Variants in TRPM4 observed in about 807,000 individuals in gnomAD.
TRPM4 encodes the protein transient receptor potential cation channel subfamily M member 4.
TRPM4 carries 124 observed loss-of-function variants against 135.6 expected under a neutral mutation model. The observed-to-expected ratio is 0.91, with a 90% confidence interval of 0.79 to 1.06. TRPM4 has a LOEUF of 1.06. Among genes scored for constraint, TRPM4 ranks in the 50% least tolerant of loss-of-function variants. The pLI, the probability that TRPM4 is intolerant of heterozygous loss-of-function variation, is 0.00. For missense variants in TRPM4, 1,658 were observed against 1,671.4 expected, an observed-to-expected ratio of 0.99 and a Z score of 0.14; for synonymous variants, 745 against 705.6, an observed-to-expected ratio of 1.06 and a Z score of -0.88.
chr19:49,191,642 G>T (rs1289224981), intron 16 of TRPM4, among the ~76,000 whole-genome samples: 1 of 152,056 alleles, frequency 6.6e-6, no homozygotes, highest in Non-Finnish European at 1.5e-5. Flanking sequence ...TGGGACTACA[G>T]GAGCCCACCA....
intron 14 of TRPM4, 53 bp downstream of exon 14, chr19:49,189,144 A>G: frequency 6.2e-7 from 1 of 1,611,862 alleles, no homozygotes; most frequent in Non-Finnish European, 8.5e-7. Context: ...GACTCTGGGA[A>G]GTATGGGGAT....
chr19:49,197,706 A>G (rs969623391), intron 17 of TRPM4, among the ~76,000 whole-genome samples: 2 of 149,324 alleles, frequency 1.3e-5, no homozygotes, highest in African/African-American at 4.9e-5. Flanking sequence ...TTTTTGAGCC[A>G]GAGTTCCGCT....
intron 12 of TRPM4, among the ~76,000 whole-genome samples, chr19:49,187,402 T>C (rs997762183): frequency 3.3e-5 from 5 of 151,960 alleles, no homozygotes; most frequent in Non-Finnish European, 7.4e-5. Context: ...TGGAGTGCAG[T>C]GGCATGATCA....
At chr19:49,200,096 G>T (rs1238562544) in intron 17 of TRPM4, among the ~76,000 whole-genome samples, 2 of 152,136 alleles carry the variant, frequency 1.3e-5, no homozygotes, top group Admixed American at 6.5e-5. Context: ...CTTAATAGGC[G>T]CAGCCATTTT....
At chr19:49,189,323 C>T (rs1468054012) in intron 14 of TRPM4, among the ~76,000 whole-genome samples, 2 of 152,202 alleles carry the variant, frequency 1.3e-5, no homozygotes, top group Non-Finnish European at 2.9e-5. Context: ...CTAAAAAGTT[C>T]CACTCCAGAT....
In TRPM4 at chr19:49,175,067, C is replaced by CTTTTTTTTTTTTTTTTT. The variant is rs772062913; in HGVS notation, c.1150+2968_1150+2984dup. Among the ~76,000 whole-genome samples the CTTTTTTTTTTTTTTTTT allele has an allele frequency of 2.3e-4, 18 of 77,582 alleles. 1 individual carries two copies. The highest frequency in any genetic ancestry group is 1.2e-3 in the African/African-American group (16 of 13,530). 50.9% of individuals were successfully genotyped at this position (77,582 alleles called of 152,430 possible). ...CACAGGCATGTGCCATCATGCCTGG[C>CTTTTTTTTTTTTTTTTT]TTTTTTTTTTTTTTTTTTTTTTTTT... is the stretch of plus-strand genomic sequence containing the variant. On this transcript the variant is annotated intron_variant, in intron 9 of 24. Coordinates refer to ENST00000252826, the MANE Select transcript of TRPM4 (RefSeq NM_017636.4).
chr19:49,170,749 T>C (rs899921016), intron 6 of TRPM4, among the ~76,000 whole-genome samples: 3 of 152,172 alleles, frequency 2.0e-5, no homozygotes, highest in Admixed American at 6.6e-5. Flanking sequence ...TAAGCATTAC[T>C]GTCTTCAAAA....
At chr19:49,168,470 G>T (rs750021579) in intron 5 of TRPM4, 47 bp downstream of exon 5, 1 of 1,613,830 alleles carries the variant, frequency 6.2e-7, no homozygotes, top group South Asian at 1.1e-5. Flanking sequence ...CTGGACTCCT[G>T]GGTCTGAGGG....
chr19:49,173,840 A>T (rs35587859), intron 9 of TRPM4, among the ~76,000 whole-genome samples: 28,876 of 149,814 alleles, frequency 0.19, 3,305 homozygotes, highest in South Asian at 0.33. Flanking sequence ...CAAAAAAAAA[A>T]TTTTTTTTTT....
intron 2 of TRPM4, among the ~76,000 whole-genome samples, chr19:49,160,213 G>A (rs553125807): frequency 2.0e-5 from 3 of 152,330 alleles, no homozygotes; most frequent in African/African-American, 7.2e-5. Context: ...ATTTGGGGCC[G>A]GGCATTGTGG....
chr19:49,171,828 C>A lies in TRPM4; in HGVS notation c.1050+59C>A, dbSNP rs1967472651. The stretch of plus-strand genomic sequence containing the variant: ...GATGGGAGGGAACTGGGGACTTGGG[C>A]TCCTGGGTCTGAGGGAGGAGGGGCT... On this transcript the variant is annotated intron_variant, in intron 8 of 24. Transcript: ENST00000252826. The surrounding 1 kb of genome is among the most constrained non-coding windows in gnomAD (Gnocchi z 4.7). 1.3e-6 allele frequency: 2 copies of A among 1,563,108 alleles called. No individual in the cohort carries two copies. The highest frequency in any genetic ancestry group is 1.1e-5 in the South Asian group (1 of 88,762).
intron 16 of TRPM4, 83 bp downstream of exon 16, chr19:49,190,856 C>G (rs944281964): frequency 1.6e-5 from 20 of 1,242,394 alleles, no homozygotes; most frequent in Non-Finnish European, 2.2e-5. Context: ...TGTGTTAGTC[C>G]CCTCTTGAGT....
At position 49,181,952 on chromosome 19, in the gene TRPM4, C is replaced by T. The variant is rs113209047; in HGVS notation, c.1263+491C>T. 5.6e-5 allele frequency among the ~76,000 whole-genome samples: 7 copies of T among 125,462 alleles called. No individual in the cohort carries two copies. In the South Asian group the frequency reaches 1.9e-3, roughly 34 times the overall value. The allele number at this position is 125,462 out of a possible 152,430, so 82.3% of individuals were successfully genotyped here. On this transcript the variant is annotated intron_variant, in intron 10 of 24. Coordinates refer to ENST00000252826, the MANE Select transcript of TRPM4 (RefSeq NM_017636.4). ...CTTGTTTCCTCTCTCCCCACCCATCCATCTGTCTATCCATCCATCCACCCT... is the reference window on the plus strand; with the variant it reads ...CTTGTTTCCTCTCTCCCCACCCATCTATCTGTCTATCCATCCATCCACCCT...
In TRPM4 at chr19:49,210,038, C is replaced by T. The variant is rs529078072; in HGVS notation, c.3132-171C>T. ...TGCTGGGACTACAGGCGTGACCAAA[C>T]GCCCTTGGCTCTAACCTGACTTCTA... On this transcript the variant is annotated intron_variant, in intron 20 of 24. Coordinates refer to ENST00000252826, the MANE Select transcript of TRPM4 (RefSeq NM_017636.4). The surrounding 1 kb of genome is among the most constrained non-coding windows in gnomAD (Gnocchi z 4.1). 6.6e-6 allele frequency among the ~76,000 whole-genome samples: 1 copy of T among 152,204 alleles called. No individual in the cohort carries two copies. The highest frequency in any genetic ancestry group is 2.4e-5 in the African/African-American group (1 of 41,458).
In TRPM4 at chr19:49,191,118, G is replaced by A. The variant is rs111595963; in HGVS notation, c.2210+345G>A. ...AGCAAAAAGTCTCCAAAGGGATGGTGCTGAGCCATTTGTGAAGGACCCACC... is the reference window on the plus strand; with the variant it reads ...AGCAAAAAGTCTCCAAAGGGATGGTACTGAGCCATTTGTGAAGGACCCACC... On this transcript the variant is annotated intron_variant, in intron 16 of 24. Transcript: ENST00000252826. 1.0e-3 allele frequency among the ~76,000 whole-genome samples: 157 copies of A among 152,266 alleles called. 1 individual carries two copies. The highest frequency in any genetic ancestry group is 3.7e-3 in the African/African-American group (155 of 41,556).
chr19:49,189,518 G>C (rs759724308), intron 14 of TRPM4, among the ~76,000 whole-genome samples: 18 of 147,598 alleles, frequency 1.2e-4, no homozygotes, highest in Admixed American at 6.7e-4. Flanking sequence ...TCAGCAGTTA[G>C]AATGGCCTCA....
Position 49,183,187 on chromosome 19 carries a change from A to C in TRPM4, c.1718A>C (p.Gln573Pro). The change falls in exon 12 of 25, where the codon CAG (glutamine) becomes CCG (proline). Residue 573 changes from glutamine (Q) to proline (P), a missense_variant. Physicochemically the swap from Gln to Pro is moderately conservative, Grantham distance 76. This residue lies in a region of TRPM4 where 1,412 missense variants were observed against 1,408.7 expected (regional missense o/e 1.00). Transcript: ENST00000252826. ...TGGGCACTGTTGCTGAACAGGGCAC[A>C]GATGGCCATGTACTTCTGGGAGATG... is the stretch of plus-strand genomic sequence containing the variant. ...LLWALLLNRA[Q>P]MAMYFWEMGS... The C allele has an allele frequency of 6.2e-7, 1 of 1,614,156 alleles. No homozygotes were observed. The highest frequency in any genetic ancestry group is 8.5e-7 in the Non-Finnish European group (1 of 1,180,026).
intron 16 of TRPM4, among the ~76,000 whole-genome samples, chr19:49,192,980 A>T (rs1267138590): frequency 6.6e-6 from 1 of 152,006 alleles, no homozygotes; most frequent in Non-Finnish European, 1.5e-5. Context: ...GCAATTTCTC[A>T]TCTGCACATG....
rs147774575 is a variant in TRPM4, at chr19:49,174,342, G to A, written c.1150+2234G>A. Among the ~76,000 whole-genome samples, 1,447 of 152,098 alleles carry A rather than the reference G, an allele frequency of 9.5e-3. 24 individuals carry two copies. The highest frequency in any genetic ancestry group is 0.033 in the African/African-American group (1,380 of 41,522). ...TGATTTTTGTATTTTTAGTAGAGAC[G>A]GTGTTTCACCATGTTGGTCAGGCTG... On this transcript the variant is annotated intron_variant, in intron 9 of 24. Coordinates refer to ENST00000252826, the MANE Select transcript of TRPM4 (RefSeq NM_017636.4).
Sources: gnomAD v4.1 joint callset for allele counts (sites outside exome capture counted in the v4.1 genomes callset) on GRCh38, gnomAD v4.1.1 for gene constraint, gnomAD v4.1.1 regional missense constraint, Gnocchi (gnomAD v3.1) non-coding constraint, MANE v1.5 for transcripts, NCBI Gene and HGNC (gene_info 2026-07-23, HGNC 2026-07-21) for gene names.